The following PTPN5 variants were observed in gnomAD, a reference collection of about 807,000 sequenced individuals.
PTPN5 encodes protein tyrosine phosphatase non-receptor type 5, also known as tyrosine-protein phosphatase non-receptor type 5.
In PTPN5, 29 loss-of-function variants were observed where a neutral mutation model predicts 73.9. That is an observed-to-expected ratio of 0.39 (90% confidence interval 0.29 to 0.54). PTPN5 has a LOEUF of 0.54. Among genes scored for constraint, PTPN5 ranks in the 20% least tolerant of loss-of-function variants. The pLI is 0.65. For missense variants in PTPN5, 652 were observed against 751.4 expected, an observed-to-expected ratio of 0.87 and a Z score of 1.55; for synonymous variants, 267 against 304.7, an observed-to-expected ratio of 0.88 and a Z score of 1.29.
At position 18,728,864 on chromosome 11, in the gene PTPN5, G is replaced by A. The variant is rs528989697; in HGVS notation, c.*70C>T. 4.9e-5 allele frequency: 73 copies of A among 1,478,812 alleles called. No individual in the cohort carries two copies. Among genetic ancestry groups the A allele is most frequent in the Non-Finnish European group, 6.6e-5 (71 of 1,082,006 alleles). The allele number at this position is 1,478,812 out of a possible 1,614,324, so 91.6% of individuals were successfully genotyped here. ...AGCGGGGAGCAGGCCCAGGACCCGA[G>A]GCAGGGCCCTGGGTGAGGGCCGAGA... On this transcript the variant is annotated 3_prime_UTR_variant, in exon 15 of 15. Transcript: ENST00000358540. The surrounding 1 kb of genome is among the most constrained non-coding windows in gnomAD (Gnocchi z 4.1).
chr11:18,788,374 T>C (rs972323890), intron 1 of PTPN5, among the ~76,000 whole-genome samples: 1 of 152,136 alleles, frequency 6.6e-6, no homozygotes, highest in Admixed American at 6.6e-5. Flanking sequence ...ACTCCTTAGC[T>C]TGGCAGTCAA....
At chr11:18,791,911 CG>C (rs1851952398), upstream of PTPN5, 1 of 152,288 alleles carries the variant, frequency 6.6e-6, no homozygotes, top group Non-Finnish European at 1.5e-5. Flanking sequence ...GGCGGGGGAC[CG>C]GGAGAGCGGC....
intron 3 of PTPN5, among the ~76,000 whole-genome samples, chr11:18,764,762 G>A (rs1850558711): frequency 1.3e-5 from 2 of 152,156 alleles, no homozygotes; most frequent in African/African-American, 4.8e-5. Context: ...GCCCAGGCTG[G>A]AGTGCAGTGG....
At chr11:18,736,805 C>G (rs1281290253) in intron 9 of PTPN5, among the ~76,000 whole-genome samples, 3 of 152,172 alleles carry the variant, frequency 2.0e-5, no homozygotes, top group African/African-American at 7.2e-5. Flanking sequence ...AGTGGCCATT[C>G]TGAGCAGCCA....
intron 1 of PTPN5, among the ~76,000 whole-genome samples, chr11:18,788,527 A>T (rs1477176284): frequency 6.6e-6 from 1 of 152,196 alleles, no homozygotes; most frequent in Non-Finnish European, 1.5e-5. Flanking sequence ...TCCTCTGCTC[A>T]TGCTATTTCC....
In PTPN5 at chr11:18,768,057, A is replaced by AT. The variant is rs796129963; in HGVS notation, c.21-2175dup. Among the ~76,000 whole-genome samples, 3 of 152,296 alleles carry AT rather than the reference A, an allele frequency of 2.0e-5. No individual in the cohort carries two copies. The East Asian group carries it at 5.8e-4, about 29-fold the overall frequency. On this transcript the variant is annotated intron_variant, in intron 2 of 14. Coordinates refer to ENST00000358540, the MANE Select transcript of PTPN5 (RefSeq NM_006906.2). Reference sequence around the variant, plus strand: ...AGGCAGGGTCCACTATTTCTGTTTTATTTACCATTGTATCTTCAAAGCCTC... The same window carrying AT: ...AGGCAGGGTCCACTATTTCTGTTTTATTTTACCATTGTATCTTCAAAGCCTC...
At chr11:18,756,422 G>A (rs1192007500) in intron 3 of PTPN5, among the ~76,000 whole-genome samples, 1 of 150,734 alleles carries the variant, frequency 6.6e-6, no homozygotes, top group Non-Finnish European at 1.5e-5. Context: ...TTAGCCTCCT[G>A]AGTAGCTGGG....
At chr11:18,744,996 T>C (rs1455024728) in intron 3 of PTPN5, among the ~76,000 whole-genome samples, 1 of 152,240 alleles carries the variant, frequency 6.6e-6, no homozygotes, top group Admixed American at 6.5e-5. Context: ...CCTGTCCCTG[T>C]ACCATATACT....
intron 1 of PTPN5, among the ~76,000 whole-genome samples, chr11:18,776,535 G>A (rs1851165383): frequency 6.6e-6 from 1 of 152,078 alleles, no homozygotes; most frequent in Non-Finnish European, 1.5e-5. Context: ...GGCTTATTGT[G>A]TGCTGGATGT....
At chr11:18,783,996 A>C (rs531529179) in intron 1 of PTPN5, among the ~76,000 whole-genome samples, 30 of 152,258 alleles carry the variant, frequency 2.0e-4, no homozygotes, top group Middle Eastern at 3.4e-3. Flanking sequence ...TGCAGAACCC[A>C]AACAACATTT....
intron 1 of PTPN5, 45 bp from the exon 2 acceptor site, chr11:18,772,116 C>A (rs985963113): frequency 8.8e-6 from 5 of 565,116 alleles, no homozygotes; most frequent in South Asian, 7.6e-5. Flanking sequence ...AGTCTCAGGT[C>A]ACACAGTGTG....
chr11:18,753,347 T>A (rs192712873), intron 3 of PTPN5, among the ~76,000 whole-genome samples: 6 of 152,344 alleles, frequency 3.9e-5, no homozygotes, highest in Admixed American at 3.9e-4. Flanking sequence ...GCCTTCCAAG[T>A]GTCCCGTAAA....
At chr11:18,773,016 G>A (rs1432566940) in intron 1 of PTPN5, among the ~76,000 whole-genome samples, 1 of 151,966 alleles carries the variant, frequency 6.6e-6, no homozygotes, top group East Asian at 1.9e-4. Context: ...AGGAGGGGGT[G>A]GGGTGCTCCA....
intron 1 of PTPN5, among the ~76,000 whole-genome samples, chr11:18,787,624 G>C (rs567635520): frequency 2.4e-4 from 36 of 152,230 alleles, no homozygotes; most frequent in African/African-American, 8.4e-4. Context: ...CCTCTTTTTA[G>C]AATGCTGTTC....
chr11:18,786,444 C>T (rs924368782), intron 1 of PTPN5, among the ~76,000 whole-genome samples: 1 of 152,148 alleles, frequency 6.6e-6, no homozygotes, highest in Non-Finnish European at 1.5e-5. Context: ...CCTCATGATC[C>T]GCCCACCTCG....
intron 9 of PTPN5, among the ~76,000 whole-genome samples, chr11:18,735,537 C>T (rs1438198645): frequency 2.6e-5 from 4 of 152,060 alleles, no homozygotes; most frequent in Non-Finnish European, 4.4e-5. Context: ...GGATTTAGGC[C>T]GGGCGTGGTG....
At chr11:18,756,707 G>T (rs79330633) in intron 3 of PTPN5, among the ~76,000 whole-genome samples, 47,324 of 151,458 alleles carry the variant, frequency 0.31, 7,687 homozygotes, top group Middle Eastern at 0.43. Context: ...CGGATCATGA[G>T]GTCAGGAGAT....
In PTPN5 at chr11:18,742,636, C is replaced by A; in HGVS notation, c.484-133G>T. ...GCAGCTCTGCTCTCCTGGGAGTTGT[C>A]CACAAGGCACTGCCCCTGGCCTCGA... On this transcript the variant is annotated intron_variant, in intron 6 of 14. Transcript: ENST00000358540. This position sits in a 1 kb window ranked among gnomAD's most constrained non-coding sequence, Gnocchi z 4.1. The A allele has an allele frequency of 1.5e-6, 2 of 1,340,354 alleles. 1 individual carries two copies. Among genetic ancestry groups the A allele is most frequent in the Middle Eastern group, 5.2e-4 (2 of 3,814 alleles). 83.0% of individuals were successfully genotyped at this position (1,340,354 alleles called of 1,614,324 possible). A position where few individuals can be genotyped will look rare whatever the true frequency, so the allele number is the denominator to read the frequency against.
Position 18,744,128 on chromosome 11 carries a change from G to T in PTPN5, c.169C>A (p.Pro57Thr). 1 of 1,609,770 alleles carries T rather than the reference G, an allele frequency of 6.2e-7. No individual in the cohort carries two copies. Among genetic ancestry groups the T allele is most frequent in the Non-Finnish European group, 8.5e-7 (1 of 1,178,286 alleles). ...GGCGGCGAGGGAGGAGGGGGTGGCG[G>T]CATCTCTCTCTGTGAGTCCTGGAGC... ...EGLQDSQREM[P>T]PPPPPSPPSD... The change falls in exon 4 of 15, where the codon CCG becomes ACG. Residue 57 changes from proline (P) to threonine (T), a missense_variant. Pro to Thr is a conservative substitution (Grantham distance 38, BLOSUM62 -1). Coordinates refer to ENST00000358540, the MANE Select transcript of PTPN5 (RefSeq NM_006906.2).
Sources: allele counts gnomAD v4.1 joint callset (sites outside exome capture counted in the v4.1 genomes callset), GRCh38; gene constraint gnomAD v4.1.1; non-coding constraint Gnocchi (gnomAD v3.1); transcripts MANE v1.5; gene names NCBI Gene and HGNC (gene_info 2026-07-23, HGNC 2026-07-21).